PCSK6: variants seen among roughly 807,000 people sequenced by gnomAD.
The protein encoded by PCSK6 is paired basic amino acid cleaving enzyme 4.
PCSK6 carries 85 observed loss-of-function variants against 123.3 expected under a neutral mutation model. The ratio of observed to expected loss-of-function variants is 0.69; its 90% CI spans 0.58 to 0.83. The LOEUF (loss-of-function observed/expected upper bound fraction) is 0.83, where lower values mean the gene tolerates loss of function less well. Ranked by LOEUF, PCSK6 falls within the 40% of genes least tolerant of loss-of-function variation. The probability of loss-of-function intolerance (pLI) is 0.00; values close to 1 mark genes in which losing one functional copy is unlikely to be tolerated. For synonymous variants in PCSK6, 508 were observed against 516.0 expected (o/e 0.98, Z 0.21); for missense variants, 1,191 against 1,282.3 (o/e 0.93, Z 1.09).
chr15:101,365,668 A>C (rs1282027560), intron 13 of PCSK6: 1 of 153,132 alleles, frequency 6.5e-6, no homozygotes, highest in Non-Finnish European at 1.5e-5. Flanking sequence ...AATGTCCATC[A>C]CAGGTGAATG....
At chr15:101,319,304 T>C (rs1386065555) in intron 18 of PCSK6, among the ~76,000 whole-genome samples, 1 of 152,208 alleles carries the variant, frequency 6.6e-6, no homozygotes, top group Non-Finnish European at 1.5e-5. Context: ...TCTAGATGGG[T>C]TTGCCATACT....
At chr15:101,374,956 CT>C (rs764121036) in intron 11 of PCSK6, among the ~76,000 whole-genome samples, 493 of 143,344 alleles carry the variant, frequency 3.4e-3, no homozygotes, top group African/African-American at 4.5e-3. Context: ...CATGAAATTA[CT>C]TTTTTTTTTT....
chr15:101,488,523 G>T (rs1243961332), intron 1 of PCSK6, among the ~76,000 whole-genome samples: 2 of 152,180 alleles, frequency 1.3e-5, no homozygotes, highest in Non-Finnish European at 2.9e-5. Flanking sequence ...GTGGGGGCCG[G>T]TGAGGGTCAG....
chr15:101,362,974 G>A (rs148840589), intron 13 of PCSK6, among the ~76,000 whole-genome samples: 14 of 152,276 alleles, frequency 9.2e-5, no homozygotes, highest in East Asian at 1.9e-4. Flanking sequence ...GGACCCTGAC[G>A]AGCCCCGGTA....
intron 13 of PCSK6, among the ~76,000 whole-genome samples, chr15:101,336,254 C>T (rs1032583916): frequency 1.6e-4 from 24 of 152,140 alleles, no homozygotes; most frequent in African/African-American, 5.6e-4. Flanking sequence ...ATAACGTCTC[C>T]GAATGTCTAC....
At chr15:101,430,776 A>G (rs1404553243) in intron 4 of PCSK6, among the ~76,000 whole-genome samples, 1 of 152,198 alleles carries the variant, frequency 6.6e-6, no homozygotes, top group Non-Finnish European at 1.5e-5. Context: ...CATCTATGAT[A>G]TTTACGATAT....
rs182337586 is a variant in PCSK6 at position 101,438,600 on chromosome 15, G to A, written c.402+4956C>T. Among the ~76,000 whole-genome samples, 278 of 152,336 alleles carry A rather than the reference G, an allele frequency of 1.8e-3. 1 individual carries two copies. Among genetic ancestry groups the A allele is most frequent in the African/African-American group, 6.2e-3 (259 of 41,578 alleles). On this transcript the variant is annotated intron_variant, in intron 2 of 21. Transcript: ENST00000611716. ...TCTCTCCCGAGGCATCCGCACAGCA[G>A]CGTCAGTCCGCCTTCCCATCGCCTC...
At chr15:101,316,682 C>T (rs1000172325) in intron 19 of PCSK6, among the ~76,000 whole-genome samples, 1 of 152,240 alleles carries the variant, frequency 6.6e-6, no homozygotes, top group African/African-American at 2.4e-5. Flanking sequence ...CAGGAGGGAA[C>T]TGAGGAGGAC....
intron 13 of PCSK6, among the ~76,000 whole-genome samples, chr15:101,343,560 A>T (rs2040666998): frequency 1.3e-5 from 2 of 152,120 alleles, no homozygotes; most frequent in African/African-American, 4.8e-5. Flanking sequence ...ATCCAGTTTT[A>T]AGTATTTTCT....
chr15:101,305,517 A>C lies in PCSK6; in HGVS notation c.2813-162T>G. The C allele has an allele frequency of 1.7e-6, 1 of 589,132 alleles. No homozygotes were observed. The highest frequency in any genetic ancestry group is 3.0e-5 in the East Asian group (1 of 32,970). 36.5% of individuals were successfully genotyped at this position (589,132 alleles called of 1,614,324 possible). ...GAGGTCAGGAGCTTGAGACCAGTCT[A>C]ACCAACATGGTGAAACCCCGTCTCT... On this transcript the variant is annotated intron_variant, in intron 21 of 21. Transcript: ENST00000611716. This position sits in a 1 kb window ranked among gnomAD's most constrained non-coding sequence, Gnocchi z 4.8.
chr15:101,330,730 A>G (rs750154052), intron 15 of PCSK6, among the ~76,000 whole-genome samples: 8 of 152,270 alleles, frequency 5.3e-5, no homozygotes, highest in Non-Finnish European at 1.0e-4. Context: ...GGCTGAAGTC[A>G]GTAGCAGATT....
At chr15:101,443,238 A>G (rs2056801488) in intron 2 of PCSK6, among the ~76,000 whole-genome samples, 1 of 152,216 alleles carries the variant, frequency 6.6e-6, no homozygotes, top group East Asian at 1.9e-4. Flanking sequence ...AACCACAAAA[A>G]CATCCACCTG....
At chr15:101,434,695 G>A (rs915601605) in intron 2 of PCSK6, among the ~76,000 whole-genome samples, 4 of 152,198 alleles carry the variant, frequency 2.6e-5, no homozygotes, top group Non-Finnish European at 5.9e-5. Flanking sequence ...GGTGCTCTCA[G>A]GCCAATGGAA....
chr15:101,370,493 A>G lies in PCSK6; in HGVS notation c.1563T>C (p.Thr521=). Residue 521 remains threonine, a synonymous_variant, in exon 12 of 22, where the codon ACT becomes ACC. Coordinates refer to ENST00000611716, the MANE Select transcript of PCSK6 (RefSeq NM_002570.5). ...CCGCGCAGGCGCTGGTCAGGGCCGTAGTCCGCAGCACCTGCACTAAGGGGA... is the reference window on the plus strand; with the variant it reads ...CCGCGCAGGCGCTGGTCAGGGCCGTGGTCCGCAGCACCTGCACTAAGGGGA... The part of the protein sequence containing the change: ...RSIPLVQVLR[T]TALTSACAEH... The G allele has an allele frequency of 3.3e-6, 5 of 1,535,798 alleles. No individual in the cohort carries two copies. Among genetic ancestry groups the G allele is most frequent in the South Asian group, 1.2e-5 (1 of 82,050 alleles).
chr15:101,466,711 T>C (rs540184857), intron 1 of PCSK6, among the ~76,000 whole-genome samples: 1 of 151,356 alleles, frequency 6.6e-6, no homozygotes, highest in East Asian at 1.9e-4. Context: ...TGGATGAACC[T>C]TGAAAACATG....
chr15:101,421,234 C>T lies in PCSK6; in HGVS notation c.823+6658G>A, dbSNP rs142875316. ...GTGCTGGGATTACAGGCATGAGCCA[C>T]CACGCCTGGCTATTTCTTAAGATAT... On this transcript the variant is annotated intron_variant, in intron 6 of 21. Coordinates refer to ENST00000611716, the MANE Select transcript of PCSK6 (RefSeq NM_002570.5). Among the ~76,000 whole-genome samples the T allele has an allele frequency of 5.1e-3, 780 of 152,324 alleles. 8 individuals carry two copies. Among genetic ancestry groups the T allele is most frequent in the African/African-American group, 0.015 (618 of 41,570 alleles).
intron 11 of PCSK6, among the ~76,000 whole-genome samples, chr15:101,373,399 T>TACAGG (rs1164765617): frequency 1.3e-5 from 2 of 152,194 alleles, no homozygotes; most frequent in African/African-American, 4.8e-5. Context: ...ATCACTCAGT[T>TACAGG]ACAGGCCACC....
rs183342301 is a variant in PCSK6, at chr15:101,304,854, C to G, written c.*404G>C. On this transcript the variant is annotated 3_prime_UTR_variant, in exon 22 of 22. Coordinates refer to ENST00000611716, the MANE Select transcript of PCSK6 (RefSeq NM_002570.5). ...ATGGCCCAGGGTTCGCCAGCTGGGC[C>G]GGGGAGATTTACTACACAGCCGCAG... 83 of 174,450 alleles carry G rather than the reference C, an allele frequency of 4.8e-4. No individual in the cohort carries two copies. The East Asian group carries it at 6.3e-3, about 13-fold the overall frequency. The allele number at this position is 174,450 out of a possible 1,614,324, so 10.8% of individuals were successfully genotyped here. A position where few individuals can be genotyped will look rare whatever the true frequency, so the allele number is the denominator to read the frequency against.
intron 6 of PCSK6, among the ~76,000 whole-genome samples, chr15:101,409,841 G>C (rs982965599): frequency 4.6e-5 from 7 of 152,324 alleles, no homozygotes; most frequent in African/African-American, 1.7e-4. Context: ...TTTCTCAAAG[G>C]ATGCCGCATG....
Sources: gnomAD v4.1 joint callset for allele counts (sites outside exome capture counted in the v4.1 genomes callset) on GRCh38, gnomAD v4.1.1 for gene constraint, Gnocchi (gnomAD v3.1) non-coding constraint, MANE v1.5 for transcripts, NCBI Gene and HGNC (gene_info 2026-07-23, HGNC 2026-07-21) for gene names.